GALNT17: variants seen among roughly 807,000 people sequenced by gnomAD.
GALNT17 encodes the protein polypeptide N-acetylgalactosaminyltransferase 17.
A neutral mutation model predicts 63.7 loss-of-function variants in GALNT17; 29 were observed. The ratio of observed to expected loss-of-function variants is 0.46; its 90% CI spans 0.34 to 0.62. The LOEUF (loss-of-function observed/expected upper bound fraction) is 0.62, where lower values mean the gene tolerates loss of function less well. Among genes scored for constraint, GALNT17 ranks in the 20% least tolerant of loss-of-function variants. The probability of loss-of-function intolerance (pLI) is 0.01; values close to 1 mark genes in which losing one functional copy is unlikely to be tolerated. For missense variants in GALNT17, 603 were observed against 799.6 expected (o/e 0.75, Z 2.97); for synonymous variants, 305 against 318.3 (o/e 0.96, Z 0.45).
chr7:71,478,585 G>A (rs2116634744), intron 5 of GALNT17, among the ~76,000 whole-genome samples: 1 of 152,154 alleles, frequency 6.6e-6, no homozygotes, highest in Middle Eastern at 3.4e-3. Context: ...CAAAGTGCTG[G>A]GTTATCAGGG....
chr7:71,267,190 G>C (rs1790506001), intron 1 of GALNT17, among the ~76,000 whole-genome samples: 1 of 152,194 alleles, frequency 6.6e-6, no homozygotes. Flanking sequence ...CAAGGTGCCT[G>C]TCCAAGCCAG....
At chr7:71,437,892 T>C (rs116105769) in intron 5 of GALNT17, among the ~76,000 whole-genome samples, 3,386 of 152,202 alleles carry the variant, frequency 0.022, 55 homozygotes, top group African/African-American at 0.041. Flanking sequence ...TTTTTATTTT[T>C]TGTAGAAGTA....
chr7:71,416,485 G>C (rs112455018), intron 4 of GALNT17, among the ~76,000 whole-genome samples: 21 of 152,084 alleles, frequency 1.4e-4, no homozygotes, highest in African/African-American at 4.8e-4. Context: ...GGTGGAGCAC[G>C]CCTGTAGTCT....
chr7:71,377,114 A>AAAAAAAAATATATAT, intron 2 of GALNT17, among the ~76,000 whole-genome samples: 3 of 57,466 alleles, frequency 5.2e-5, no homozygotes, highest in African/African-American at 2.8e-4. Flanking sequence ...AAATAAAAAA[A>AAAAAAAAATATATAT]ATATATATAT....
At chr7:71,411,687 A>C (rs1367258770) in intron 3 of GALNT17, among the ~76,000 whole-genome samples, 1 of 151,828 alleles carries the variant, frequency 6.6e-6, no homozygotes. Context: ...CCTTGTATTG[A>C]CCCTGCCCCT....
At chr7:71,215,176 C>T (rs775469090) in intron 1 of GALNT17, among the ~76,000 whole-genome samples, 5 of 152,138 alleles carry the variant, frequency 3.3e-5, no homozygotes, top group Non-Finnish European at 7.3e-5. Flanking sequence ...CTGTTTGAAT[C>T]TTGTAGTTGT....
intron 1 of GALNT17, among the ~76,000 whole-genome samples, chr7:71,277,873 A>G (rs1271040033): frequency 6.6e-6 from 1 of 152,236 alleles, no homozygotes; most frequent in Non-Finnish European, 1.5e-5. Flanking sequence ...CCGTGAAGAA[A>G]AACATTTCAC....
rs754142258 is a variant in GALNT17, at chr7:71,665,470, G to A, written c.1140G>A (p.Glu380=). The part of the protein sequence containing the change: ...VLPCSRVAHI[E]RKKKPYNSNI... ...CTTGCTCACGGGTGGCCCACATTGAGCGGAAGAAGAAGCCATATAATAGCA... is the reference window on the plus strand; with the variant it reads ...CTTGCTCACGGGTGGCCCACATTGAACGGAAGAAGAAGCCATATAATAGCA... The change falls in exon 7 of 11, where the codon GAG becomes GAA. Residue 380 remains glutamate, a synonymous_variant. Transcript: ENST00000333538. The A allele has an allele frequency of 2.5e-5, 41 of 1,613,312 alleles. No homozygotes were observed. The South Asian group carries it at 3.8e-4, about 15-fold the overall frequency.
intron 5 of GALNT17, among the ~76,000 whole-genome samples, chr7:71,547,804 G>T (rs997241848): frequency 1.3e-5 from 2 of 152,152 alleles, no homozygotes; most frequent in Admixed American, 1.3e-4. Flanking sequence ...ATGTAATAGG[G>T]ATTGAAGCTA....
chr7:71,211,971 A>G (rs537614764), intron 1 of GALNT17, among the ~76,000 whole-genome samples: 1 of 152,306 alleles, frequency 6.6e-6, no homozygotes, highest in African/African-American at 2.4e-5. Context: ...GAAAAAACCC[A>G]TTTTCTGGGG....
At chr7:71,274,833 A>G (rs1017042) in intron 1 of GALNT17, among the ~76,000 whole-genome samples, 9,077 of 152,266 alleles carry the variant, frequency 0.06, 932 homozygotes, top group African/African-American at 0.21. Flanking sequence ...AGGAAAACTC[A>G]GGGCTTCCTT....
At chr7:71,558,498 A>G (rs1222388517) in intron 5 of GALNT17, among the ~76,000 whole-genome samples, 1 of 152,184 alleles carries the variant, frequency 6.6e-6, no homozygotes, top group Non-Finnish European at 1.5e-5. Flanking sequence ...CAGGCAGTGT[A>G]GTTTGCTGAT....
intron 1 of GALNT17, among the ~76,000 whole-genome samples, chr7:71,214,269 A>C (rs1268981095): frequency 6.6e-6 from 1 of 152,208 alleles, no homozygotes. Flanking sequence ...GGTGCTGTTA[A>C]ATAACAGCTT....
intron 1 of GALNT17, among the ~76,000 whole-genome samples, chr7:71,330,686 G>A (rs917633118): frequency 2.0e-5 from 3 of 152,168 alleles, no homozygotes; most frequent in Admixed American, 6.5e-5. Context: ...ACAGGCATGA[G>A]CCTCTGCACT....
intron 2 of GALNT17, among the ~76,000 whole-genome samples, chr7:71,349,934 G>A (rs913162014): frequency 7.2e-5 from 11 of 152,186 alleles, no homozygotes; most frequent in Admixed American, 2.0e-4. Context: ...GCACATGGTT[G>A]CGCTTAGGCA....
At chr7:71,364,553 A>T (rs746901764) in intron 2 of GALNT17, among the ~76,000 whole-genome samples, 2 of 152,118 alleles carry the variant, frequency 1.3e-5, no homozygotes, top group Non-Finnish European at 2.9e-5. Context: ...AGAACATTTT[A>T]TGGGGTAGTG....
chr7:71,431,125 C>T (rs1179908917), intron 5 of GALNT17, among the ~76,000 whole-genome samples: 3 of 151,824 alleles, frequency 2.0e-5, no homozygotes, highest in Non-Finnish European at 4.4e-5. Context: ...TTCTATGTGT[C>T]AGGTACAGTT....
intron 5 of GALNT17, among the ~76,000 whole-genome samples, chr7:71,463,735 C>A (rs1483802727): frequency 6.6e-6 from 1 of 152,138 alleles, no homozygotes; most frequent in Non-Finnish European, 1.5e-5. Context: ...AACTTCCGGG[C>A]ATTGCCATGG....
chr7:71,355,502 T>C (rs1163759885), intron 2 of GALNT17, among the ~76,000 whole-genome samples: 1 of 152,134 alleles, frequency 6.6e-6, no homozygotes, highest in Non-Finnish European at 1.5e-5. Context: ...ACATTATTAA[T>C]AATTTTAAAT....
Sources: gnomAD v4.1 joint callset for allele counts (sites outside exome capture counted in the v4.1 genomes callset) on GRCh38, gnomAD v4.1.1 for gene constraint, MANE v1.5 for transcripts, NCBI Gene and HGNC (gene_info 2026-07-23, HGNC 2026-07-21) for gene names.